Variants in NEURL1B observed in about 807,000 individuals in gnomAD.
The protein encoded by NEURL1B is neuralized E3 ubiquitin protein ligase 1B.
In NEURL1B, 13 loss-of-function variants were observed where a neutral mutation model predicts 37.4. That is an observed-to-expected ratio of 0.35 (90% CI 0.23 to 0.55). The LOEUF (loss-of-function observed/expected upper bound fraction) is 0.55, where lower values mean the gene tolerates loss of function less well. Among genes scored for constraint, NEURL1B ranks in the 20% least tolerant of loss-of-function variants. The pLI is 0.89. For missense variants in NEURL1B, 790 were observed against 879.2 expected (o/e 0.90, Z 1.28); for synonymous variants, 432 against 426.6 (o/e 1.01, Z -0.16).
At chr5:172,662,861 C>G (rs529430064) in intron 1 of NEURL1B, among the ~76,000 whole-genome samples, 1 of 152,100 alleles carries the variant, frequency 6.6e-6, no homozygotes, top group African/African-American at 2.4e-5. Flanking sequence ...AGTCTGGGCA[C>G]TGTTTCCTTG....
chr5:172,644,901 C>G (rs1051935964), intron 1 of NEURL1B, among the ~76,000 whole-genome samples: 1 of 152,156 alleles, frequency 6.6e-6, no homozygotes, highest in African/African-American at 2.4e-5. Flanking sequence ...GGGAGGGACT[C>G]ATCCCCTTCT....
chr5:172,664,725 T>G (rs1051000937), intron 1 of NEURL1B, among the ~76,000 whole-genome samples: 1 of 152,222 alleles, frequency 6.6e-6, no homozygotes, highest in Admixed American at 6.5e-5. Flanking sequence ...GCTTATTGTT[T>G]TTCTTTTATT....
rs1758515982 is a variant in NEURL1B, at chr5:172,686,971, A to G, written c.*46A>G. ...TGGCCGGTGCAAGGTCACCTTTCTG[A>G]AGGCCCCCTGGGCTGGGCAACCACA... On this transcript the variant is annotated 3_prime_UTR_variant, in exon 5 of 5. Transcript: ENST00000369800. The surrounding 1 kb of genome is among the most constrained non-coding windows in gnomAD (Gnocchi z 7.9). 6.6e-7 allele frequency: 1 copy of G among 1,519,976 alleles called. No individual in the cohort carries two copies. The highest frequency in any genetic ancestry group is 1.4e-5 in the African/African-American group (1 of 72,458). The allele number at this position is 1,519,976 out of a possible 1,614,324, so 94.2% of individuals were successfully genotyped here.
Position 172,676,696 on chromosome 5 carries a change from T to C in NEURL1B, c.577+6366T>C, listed in dbSNP as rs986014177. The stretch of plus-strand genomic sequence containing the variant: ...TGTCATTTGCCCAGCTTGGAAGCAC[T>C]GAGATCCCTTGTTAAAGATAGTTAC... On this transcript the variant is annotated intron_variant, in intron 2 of 4. Coordinates refer to ENST00000369800, the MANE Select transcript of NEURL1B (RefSeq NM_001142651.3). This position sits in a 1 kb window ranked among gnomAD's most constrained non-coding sequence, Gnocchi z 4.5. Among the ~76,000 whole-genome samples the C allele has an allele frequency of 6.6e-6, 1 of 152,210 alleles. No individual in the cohort carries two copies. Among genetic ancestry groups the C allele is most frequent in the African/African-American group, 2.4e-5 (1 of 41,444 alleles).
At chr5:172,666,741 AG>A (rs1758021627) in intron 1 of NEURL1B, among the ~76,000 whole-genome samples, 1 of 152,152 alleles carries the variant, frequency 6.6e-6, no homozygotes, top group African/African-American at 2.4e-5. Flanking sequence ...CCCAACGCTG[AG>A]GGAGGTGGTG....
intron 1 of NEURL1B, among the ~76,000 whole-genome samples, chr5:172,654,852 A>G (rs756116041): frequency 6.6e-6 from 1 of 152,156 alleles, no homozygotes; most frequent in Non-Finnish European, 1.5e-5. Flanking sequence ...AAGACCTTTA[A>G]TTATCAATTA....
At chr5:172,652,603 G>C (rs548169111) in intron 1 of NEURL1B, among the ~76,000 whole-genome samples, 3 of 152,300 alleles carry the variant, frequency 2.0e-5, no homozygotes, top group Admixed American at 6.5e-5. Context: ...CTCTACATCA[G>C]GGGGCAAGAC....
At chr5:172,681,461 C>G (rs1758351131) in intron 2 of NEURL1B, among the ~76,000 whole-genome samples, 1 of 152,334 alleles carries the variant, frequency 6.6e-6, no homozygotes, top group South Asian at 2.1e-4. Context: ...TTCCCTCGAG[C>G]TATGGGAAGC....
At chr5:172,684,462 C>T (rs1362336137) in intron 3 of NEURL1B, among the ~76,000 whole-genome samples, 1 of 152,120 alleles carries the variant, frequency 6.6e-6, no homozygotes, top group African/African-American at 2.4e-5. Flanking sequence ...GGCTTATCTC[C>T]GAGCTTGGCA....
Position 172,657,026 on chromosome 5 carries a change from G to A in NEURL1B, c.32-12759G>A, listed in dbSNP as rs1757793290. ...CTGTGCAGTAGGACCAAATAGTCCT[G>A]CTATAGACTATTTGAGTCAGTCCCT... On this transcript the variant is annotated intron_variant, in intron 1 of 4. Transcript: ENST00000369800. The surrounding 1 kb of genome is among the most constrained non-coding windows in gnomAD (Gnocchi z 4.0). 6.6e-6 allele frequency among the ~76,000 whole-genome samples: 1 copy of A among 152,212 alleles called. No individual in the cohort carries two copies. The highest frequency in any genetic ancestry group is 2.1e-4 in the South Asian group (1 of 4,824).
intron 1 of NEURL1B, among the ~76,000 whole-genome samples, chr5:172,665,000 C>G (rs1419492715): frequency 6.6e-6 from 1 of 152,208 alleles, no homozygotes; most frequent in Non-Finnish European, 1.5e-5. Context: ...CTTCTCTCCA[C>G]CCCAGTATTC....
Position 172,675,129 on chromosome 5 carries a change from G to T in NEURL1B, c.577+4799G>T, listed in dbSNP as rs573416617. Reference sequence around the variant, plus strand: ...TGACCTCAGGTGATCCGCCCGCCTCGGCCTCCAAAAGTGCTGGGATTACAG... The same window carrying T: ...TGACCTCAGGTGATCCGCCCGCCTCTGCCTCCAAAAGTGCTGGGATTACAG... On this transcript the variant is annotated intron_variant, in intron 2 of 4. Transcript: ENST00000369800. The surrounding 1 kb of genome is among the most constrained non-coding windows in gnomAD (Gnocchi z 4.7). 3.1e-3 allele frequency among the ~76,000 whole-genome samples: 471 copies of T among 152,202 alleles called. 1 individual carries two copies. The highest frequency in any genetic ancestry group is 6.8e-3 in the Middle Eastern group (2 of 294).
intron 2 of NEURL1B, among the ~76,000 whole-genome samples, chr5:172,673,309 G>C (rs1273512571): frequency 6.6e-6 from 1 of 152,000 alleles, no homozygotes; most frequent in Non-Finnish European, 1.5e-5. Context: ...GGTGTCCAAG[G>C]TACCCAATGG....
chr5:172,678,391 A>ACC (rs914898791), intron 2 of NEURL1B, among the ~76,000 whole-genome samples: 10 of 151,816 alleles, frequency 6.6e-5, no homozygotes, highest in Non-Finnish European at 1.5e-4. Context: ...CCTCCCTTGA[A>ACC]CCCCAGGCCT....
chr5:172,645,842 C>T (rs1372569445), intron 1 of NEURL1B, among the ~76,000 whole-genome samples: 2 of 152,122 alleles, frequency 1.3e-5, no homozygotes, highest in Non-Finnish European at 2.9e-5. Context: ...TTACTGCTAC[C>T]CTGTGACTCA....
chr5:172,684,003 C>G lies in NEURL1B; in HGVS notation c.1162C>G (p.Leu388Val), dbSNP rs1213488142. ...PSGGDALSFTLRPGGDVLLGI... is the reference protein window; with the variant it reads ...PSGGDALSFTVRPGGDVLLGI... ...CGGCGGCGACGCGCTCAGCTTCACGCTGCGGCCCGGCGGCGACGTGCTCCT... is the reference window on the plus strand; with the variant it reads ...CGGCGGCGACGCGCTCAGCTTCACGGTGCGGCCCGGCGGCGACGTGCTCCT... Residue 388 changes from leucine to valine, a missense_variant, in exon 3 of 5, where the codon CTG becomes GTG. By Grantham distance (32) the Leu-to-Val change is conservative. Coordinates refer to ENST00000369800, the MANE Select transcript of NEURL1B (RefSeq NM_001142651.3). 3 of 1,332,874 alleles carry G rather than the reference C, an allele frequency of 2.3e-6. No homozygotes were observed. Among genetic ancestry groups the G allele is most frequent in the Non-Finnish European group, 2.9e-6 (3 of 1,039,644 alleles). 82.6% of individuals were successfully genotyped at this position (1,332,874 alleles called of 1,614,324 possible).
At chr5:172,659,810 C>T (rs1757861551) in intron 1 of NEURL1B, among the ~76,000 whole-genome samples, 1 of 152,198 alleles carries the variant, frequency 6.6e-6, no homozygotes, top group African/African-American at 2.4e-5. Context: ...CATCTCCAGG[C>T]CTTTGCTGGT....
intron 2 of NEURL1B, among the ~76,000 whole-genome samples, chr5:172,679,005 C>T (rs1472913150): frequency 1.3e-5 from 2 of 152,226 alleles, no homozygotes; most frequent in Non-Finnish European, 2.9e-5. Context: ...CCAGCCTCCT[C>T]GTACCTGACT....
chr5:172,684,300 C>T (rs1249715572), intron 3 of NEURL1B, among the ~76,000 whole-genome samples, 162 bp downstream of exon 3: 1 of 152,134 alleles, frequency 6.6e-6, no homozygotes, highest in African/African-American at 2.4e-5. Context: ...CGATCCACCC[C>T]GTCCAAAATT....
Sources: allele counts gnomAD v4.1 joint callset (sites outside exome capture counted in the v4.1 genomes callset), GRCh38; gene constraint gnomAD v4.1.1; non-coding constraint Gnocchi (gnomAD v3.1); transcripts MANE v1.5; gene names NCBI Gene and HGNC (gene_info 2026-07-23, HGNC 2026-07-21).